Variants in UBXN4 observed in about 807,000 individuals in gnomAD.
UBXN4 encodes UBX domain-containing protein 4.
In UBXN4, 35 loss-of-function variants were observed where a neutral mutation model predicts 66.2. The observed-to-expected ratio is 0.53, with a 90% CI of 0.40 to 0.70. The LOEUF (loss-of-function observed/expected upper bound fraction) is 0.70. Among genes scored for constraint, UBXN4 ranks in the 30% least tolerant of loss-of-function variants. The pLI is 0.00. For synonymous variants in UBXN4, 203 were observed against 204.5 expected (o/e 0.99, Z 0.06); for missense variants, 533 against 599.8 (o/e 0.89, Z 1.16).
Position 135,757,593 on chromosome 2 carries a change from T to A in UBXN4, c.508+1902T>A, listed in dbSNP as rs940115722. The stretch of plus-strand genomic sequence containing the variant: ...TTAGAATGGGTCACATTTTCTTGTT[T>A]GTTCATATGTCAAAAAATGCTGGAT... On this transcript the variant is annotated intron_variant, in intron 5 of 12. Coordinates refer to ENST00000272638, the MANE Select transcript of UBXN4 (RefSeq NM_014607.4). Among the ~76,000 whole-genome samples, 38 of 152,270 alleles carry A rather than the reference T, an allele frequency of 2.5e-4. 1 individual carries two copies. Among genetic ancestry groups the A allele is most frequent in the South Asian group, 1.0e-3 (5 of 4,816 alleles).
chr2:135,772,080 G>A (rs2077386745), intron 8 of UBXN4, among the ~76,000 whole-genome samples: 1 of 152,300 alleles, frequency 6.6e-6, no homozygotes. Context: ...AGAATTTTGG[G>A]AGGCTGAGGT....
chr2:135,745,534 G>T (rs2077202015), intron 1 of UBXN4, among the ~76,000 whole-genome samples: 1 of 152,038 alleles, frequency 6.6e-6, no homozygotes, highest in African/African-American at 2.4e-5. Flanking sequence ...GTCTCATTTG[G>T]TTTATATTTA....
chr2:135,754,328 A>ATT (rs76768246), intron 4 of UBXN4, 51 bp downstream of exon 4: 1,332 of 1,233,560 alleles, frequency 1.1e-3, no homozygotes, highest in South Asian at 4.4e-3. Flanking sequence ...CAGGAATTGG[A>ATT]TTTTTTTTTT....
intron 5 of UBXN4, among the ~76,000 whole-genome samples, chr2:135,756,928 T>C (rs1268221529): frequency 6.6e-6 from 1 of 152,254 alleles, no homozygotes; most frequent in Non-Finnish European, 1.5e-5. Flanking sequence ...CCACAAATTC[T>C]GATTGTTCCC....
chr2:135,741,965 C>T lies in UBXN4; in HGVS notation c.36C>T (p.Ile12=). ...TCCAGGGCGCCATTCCGGCCGCCATCGCGACGGCCAAAAGGAGCGGCGCGG... is the reference window on the plus strand; with the variant it reads ...TCCAGGGCGCCATTCCGGCCGCCATTGCGACGGCCAAAAGGAGCGGCGCGG... ...LWFQGAIPAA[I]ATAKRSGAVF... The change falls in exon 1 of 13, where the codon ATC becomes ATT. Residue 12 remains isoleucine (I), a synonymous_variant. Transcript: ENST00000272638. 1 of 1,613,422 alleles carries T rather than the reference C, an allele frequency of 6.2e-7. No homozygotes were observed. Among genetic ancestry groups the T allele is most frequent in the Non-Finnish European group, 8.5e-7 (1 of 1,179,712 alleles).
chr2:135,754,418 G>A lies in UBXN4; in HGVS notation c.333+141G>A. The A allele has an allele frequency of 4.8e-6, 3 of 624,278 alleles. No homozygotes were observed. The South Asian group carries it at 5.6e-5, about 12-fold the overall frequency. 38.7% of individuals were successfully genotyped at this position (624,278 alleles called of 1,614,324 possible). A position where few individuals can be genotyped will look rare whatever the true frequency, so the allele number is the denominator to read the frequency against. ...CTCAAGTGCAGCCTCCGCCTCCCAG[G>A]TTCAAGTGATTCTCCTGCCCCAGCC... On this transcript the variant is annotated intron_variant, in intron 4 of 12. Transcript: ENST00000272638.
Position 135,741,970 on chromosome 2 carries a change from C to T in UBXN4, c.41C>T (p.Thr14Met). 1.2e-6 allele frequency: 2 copies of T among 1,613,458 alleles called. No individual in the cohort carries two copies. The highest frequency in any genetic ancestry group is 1.7e-6 in the Non-Finnish European group (2 of 1,179,714). Reference sequence around the variant, plus strand: ...GGCGCCATTCCGGCCGCCATCGCGACGGCCAAAAGGAGCGGCGCGGTCTTC... The same window carrying T: ...GGCGCCATTCCGGCCGCCATCGCGATGGCCAAAAGGAGCGGCGCGGTCTTC... ...FQGAIPAAIA[T>M]AKRSGAVFVV... The change falls in exon 1 of 13, where the codon ACG becomes ATG. Residue 14 changes from threonine (T) to methionine (M), a missense_variant. Thr to Met is a moderately conservative substitution (Grantham distance 81). Around this residue, in one of 2 missense-constraint regions of UBXN4, gnomAD observed 529 missense variants for 580.1 expected, o/e 0.91. Coordinates refer to ENST00000272638, the MANE Select transcript of UBXN4 (RefSeq NM_014607.4).
chr2:135,769,048 G>C (rs941253120), intron 6 of UBXN4, among the ~76,000 whole-genome samples: 1 of 151,936 alleles, frequency 6.6e-6, no homozygotes, highest in African/African-American at 2.4e-5. Flanking sequence ...TGTCACCCAG[G>C]CTGGAATGCA....
chr2:135,745,981 G>A (rs993426682), intron 1 of UBXN4, among the ~76,000 whole-genome samples: 16 of 147,638 alleles, frequency 1.1e-4, no homozygotes, highest in Admixed American at 2.8e-4. Context: ...TGGTTCAAGC[G>A]ATTCTCCTGC....
chr2:135,766,303 CGT>C (rs1289573956), intron 6 of UBXN4, among the ~76,000 whole-genome samples: 1 of 152,136 alleles, frequency 6.6e-6, no homozygotes, highest in Non-Finnish European at 1.5e-5. Context: ...TCTATAAATA[CGT>C]TTATACACCA....
At chr2:135,774,801 C>T (rs531649483) in intron 9 of UBXN4, among the ~76,000 whole-genome samples, 109 of 151,214 alleles carry the variant, frequency 7.2e-4, no homozygotes, top group Admixed American at 9.2e-4. Context: ...ACCGAGATTG[C>T]GCCACTGCAC....
At chr2:135,777,146 G>A (rs1001056443) in intron 10 of UBXN4, among the ~76,000 whole-genome samples, 2 of 152,174 alleles carry the variant, frequency 1.3e-5, no homozygotes, top group African/African-American at 4.8e-5. Flanking sequence ...TCCAAAAGGT[G>A]GCCTTACTCA....
At chr2:135,747,342 C>G (rs1282234495) in intron 1 of UBXN4, among the ~76,000 whole-genome samples, 5 of 69,226 alleles carry the variant, frequency 7.2e-5, no homozygotes, top group Non-Finnish European at 1.1e-4. Context: ...GAGTGAAACT[C>G]CATCTCAAAA....
intron 5 of UBXN4, among the ~76,000 whole-genome samples, chr2:135,759,830 G>T (rs754482757): frequency 2.8e-5 from 4 of 143,468 alleles, no homozygotes; most frequent in Admixed American, 2.2e-4. Context: ...GTGCAGTGGC[G>T]CTATCTTGGC....
At chr2:135,751,335 CA>C (rs1403367404) in intron 2 of UBXN4, among the ~76,000 whole-genome samples, 1 of 151,504 alleles carries the variant, frequency 6.6e-6, no homozygotes, top group Admixed American at 6.6e-5. Context: ...TATAGGCGCC[CA>C]CCACCATGCC....
intron 1 of UBXN4, among the ~76,000 whole-genome samples, chr2:135,746,284 C>G (rs2077207120): frequency 6.6e-6 from 1 of 152,160 alleles, no homozygotes; most frequent in South Asian, 2.1e-4. Context: ...ATCATACTTA[C>G]TATATTAGGC....
intron 1 of UBXN4, chr2:135,747,615 A>G (rs1202312113): frequency 2.2e-6 from 1 of 456,588 alleles, no homozygotes; most frequent in Non-Finnish European, 4.4e-6. Context: ...AAGGTGCCAC[A>G]TAAAGGACAG....
intron 9 of UBXN4, among the ~76,000 whole-genome samples, chr2:135,773,709 T>G (rs780263567): frequency 1.8e-4 from 27 of 152,260 alleles, no homozygotes; most frequent in Admixed American, 3.9e-4. Flanking sequence ...TGGTTAATAC[T>G]TATTGTCTTC....
rs774077724 is a variant in UBXN4, at chr2:135,780,211, A to G, written c.1214A>G (p.His405Arg). ...GGAAGACCAACTGCATCCATTGTAC[A>G]CTCTTCCAGCGGAGACATTTGGACC... ...PAGRPTASIV[H>R]SSSGDIWTLL... is the part of the protein sequence containing the mutation. The change falls in exon 12 of 13, where the codon CAC (histidine) becomes CGC (arginine). Residue 405 changes from histidine to arginine, a missense_variant. Coordinates refer to ENST00000272638, the MANE Select transcript of UBXN4 (RefSeq NM_014607.4). 1 of 1,613,742 alleles carries G rather than the reference A, an allele frequency of 6.2e-7. No individual in the cohort carries two copies. Among genetic ancestry groups the G allele is most frequent in the Non-Finnish European group, 8.5e-7 (1 of 1,179,936 alleles).
Sources: allele counts gnomAD v4.1 joint callset (sites outside exome capture counted in the v4.1 genomes callset), GRCh38; gene constraint gnomAD v4.1.1; regional missense constraint gnomAD v4.1.1; transcripts MANE v1.5; gene names NCBI Gene and HGNC (gene_info 2026-07-23, HGNC 2026-07-21).